The following UNC13C variants were observed in gnomAD, a reference collection of about 807,000 sequenced individuals.
UNC13C encodes protein unc-13 homolog C.
In UNC13C, 174 loss-of-function variants were observed where a neutral mutation model predicts 245.4. The observed-to-expected ratio is 0.71, with a 90% confidence interval of 0.63 to 0.80. UNC13C has a LOEUF of 0.80. Ranked by LOEUF, UNC13C falls within the 30% of genes least tolerant of loss-of-function variation. The pLI, the probability that UNC13C is intolerant of heterozygous loss-of-function variation, is 0.00. For synonymous variants in UNC13C, 992 were observed against 895.1 expected (o/e 1.11, Z -1.93); for missense variants, 2,829 against 2,602.9 (o/e 1.09, Z -1.89).
chr15:54,336,511 A>G (rs933076012), intron 16 of UNC13C, among the ~76,000 whole-genome samples: 1 of 151,538 alleles, frequency 6.6e-6, no homozygotes, highest in Non-Finnish European at 1.5e-5. Context: ...CTAATTATGG[A>G]TAATGCTCTT....
chr15:54,026,785 T>C (rs1896128243), intron 2 of UNC13C, among the ~76,000 whole-genome samples: 1 of 152,232 alleles, frequency 6.6e-6, no homozygotes, highest in Non-Finnish European at 1.5e-5. Flanking sequence ...TATATATTTA[T>C]TCTTTCAGTC....
chr15:54,260,455 A>G (rs1274535908), intron 8 of UNC13C, among the ~76,000 whole-genome samples: 2 of 151,768 alleles, frequency 1.3e-5, no homozygotes, highest in African/African-American at 2.4e-5. Context: ...AGCTGTTGAG[A>G]AAAATAGCAA....
At chr15:54,581,615 T>C (rs1208102140) in intron 30 of UNC13C, among the ~76,000 whole-genome samples, 1 of 152,210 alleles carries the variant, frequency 6.6e-6, no homozygotes, top group Non-Finnish European at 1.5e-5. Context: ...TTAACCTTAG[T>C]TATTTCCTTA....
chr15:54,359,915 T>C (rs1176824360), intron 17 of UNC13C, among the ~76,000 whole-genome samples: 1 of 151,928 alleles, frequency 6.6e-6, no homozygotes, highest in Non-Finnish European at 1.5e-5. Context: ...TTTTCTAGTT[T>C]CCTAAGGTAT....
chr15:54,589,432 G>A (rs1160492303), intron 30 of UNC13C, among the ~76,000 whole-genome samples: 1 of 150,608 alleles, frequency 6.6e-6, no homozygotes, highest in Non-Finnish European at 1.5e-5. Context: ...CCGAATAGCT[G>A]GGATTACAGG....
In UNC13C at chr15:54,560,825, T is replaced by C. The variant is rs181040020; in HGVS notation, c.5958+5313T>C. 4.2e-3 allele frequency among the ~76,000 whole-genome samples: 637 copies of C among 152,110 alleles called. 4 individuals are homozygous for C. The highest frequency in any genetic ancestry group is 7.4e-3 in the Non-Finnish European group (506 of 67,948). On this transcript the variant is annotated intron_variant, in intron 29 of 32. Coordinates refer to ENST00000260323, the MANE Select transcript of UNC13C (RefSeq NM_001080534.3). ...TCCTCTCCTATGGAAATAATACTACTACTTAAAAGATTATTGAAAGAAAAT... is the reference window on the plus strand; with the variant it reads ...TCCTCTCCTATGGAAATAATACTACCACTTAAAAGATTATTGAAAGAAAAT...
intron 1 of UNC13C, among the ~76,000 whole-genome samples, chr15:53,983,090 T>C (rs1184586098): frequency 1.3e-5 from 2 of 152,138 alleles, no homozygotes; most frequent in Non-Finnish European, 2.9e-5. Flanking sequence ...ACATTTTGTA[T>C]AAGGCTCTTT....
At chr15:54,033,132 G>A (rs1407758274) in intron 2 of UNC13C, among the ~76,000 whole-genome samples, 1 of 151,596 alleles carries the variant, frequency 6.6e-6, no homozygotes, top group East Asian at 1.9e-4. Context: ...AAAAACCTAT[G>A]GAAATAAAAA....
At chr15:54,221,260 TAATG>T (rs1396885771) in intron 4 of UNC13C, among the ~76,000 whole-genome samples, 1 of 152,012 alleles carries the variant, frequency 6.6e-6, no homozygotes, top group Admixed American at 6.6e-5. Context: ...TTGTATAAAA[TAATG>T]AAGAGAGATG....
the UNC13C span, among the ~76,000 whole-genome samples, chr15:53,853,990 T>A: frequency 0.017 from 2,615 of 152,256 alleles, 53 homozygotes; most frequent in East Asian, 0.08. Context: ...CAGAAGCTCT[T>A]TAGTTTAATG....
intron 4 of UNC13C, among the ~76,000 whole-genome samples, chr15:54,226,855 G>A (rs1165380842): frequency 2.0e-5 from 3 of 152,170 alleles, no homozygotes; most frequent in Non-Finnish European, 4.4e-5. Flanking sequence ...GGAGACATCA[G>A]AAACTGCAGA....
chr15:53,874,966 C>A, the UNC13C span, among the ~76,000 whole-genome samples: 15 of 152,148 alleles, frequency 9.9e-5, 1 homozygote, highest in African/African-American at 3.4e-4. Flanking sequence ...TGGTGGCATG[C>A]ACCTGAATCC....
chr15:54,285,724 A>T (rs1184153819), intron 10 of UNC13C, among the ~76,000 whole-genome samples: 2 of 152,192 alleles, frequency 1.3e-5, no homozygotes, highest in African/African-American at 4.8e-5. Flanking sequence ...TTATTGTAAC[A>T]GAAAAAATAT....
At chr15:54,349,859 T>C (rs73415771) in intron 17 of UNC13C, among the ~76,000 whole-genome samples, 13,899 of 152,222 alleles carry the variant, frequency 0.091, 821 homozygotes, top group African/African-American at 0.15. Context: ...TGGGTACATA[T>C]CATGGAATAT....
At chr15:53,857,042 C>T in the UNC13C span, among the ~76,000 whole-genome samples, 6 of 152,074 alleles carry the variant, frequency 3.9e-5, no homozygotes, top group Non-Finnish European at 8.8e-5. Flanking sequence ...GTGATCTGCC[C>T]ACCTCAGCTT....
intron 10 of UNC13C, among the ~76,000 whole-genome samples, chr15:54,269,105 G>A (rs1018758636): frequency 4.0e-5 from 6 of 150,218 alleles, no homozygotes; most frequent in Non-Finnish European, 8.8e-5. Context: ...TGTGCACAAC[G>A]TGCAGCAAAC....
At chr15:53,968,819 C>T in the UNC13C span, among the ~76,000 whole-genome samples, 1 of 152,244 alleles carries the variant, frequency 6.6e-6, no homozygotes, top group East Asian at 1.9e-4. Context: ...TTAAACATTG[C>T]AAAGATTTAC....
At chr15:54,018,088 T>A (rs1895740359) in intron 2 of UNC13C, among the ~76,000 whole-genome samples, 1 of 152,122 alleles carries the variant, frequency 6.6e-6, no homozygotes, top group Non-Finnish European at 1.5e-5. Flanking sequence ...GTTTTCCCCA[T>A]CCTGTGCCAC....
intron 4 of UNC13C, among the ~76,000 whole-genome samples, chr15:54,222,040 T>C (rs2035243015): frequency 6.6e-6 from 1 of 152,106 alleles, no homozygotes; most frequent in African/African-American, 2.4e-5. Context: ...CAATGCATAA[T>C]AATCACATCA....
Sources: gnomAD v4.1 joint callset for allele counts (sites outside exome capture counted in the v4.1 genomes callset) on GRCh38, gnomAD v4.1.1 for gene constraint, MANE v1.5 for transcripts, NCBI Gene and HGNC (gene_info 2026-07-23, HGNC 2026-07-21) for gene names.